The following MITF variants were observed in gnomAD, a reference collection of about 807,000 sequenced individuals.
The protein encoded by MITF is melanocyte inducing transcription factor, also known as microphthalmia-associated transcription factor.
In MITF, 17 loss-of-function variants were observed where a neutral mutation model predicts 60.5. The ratio of observed to expected loss-of-function variants is 0.28; its 90% CI spans 0.19 to 0.42. The LOEUF is 0.42. Ranked by LOEUF, MITF falls within the 10% of genes least tolerant of loss-of-function variation. MITF has a pLI of 1.00. For synonymous variants in MITF, 260 were observed against 248.5 expected (o/e 1.05, Z -0.43); for missense variants, 622 against 683.5 (o/e 0.91, Z 1.00).
chr3:69,753,522 A>G (rs1473811924), intron 1 of MITF, among the ~76,000 whole-genome samples: 10 of 152,186 alleles, frequency 6.6e-5, no homozygotes, highest in Admixed American at 6.5e-4. Context: ...TCTACTGGCA[A>G]CTTGCACTCT....
intron 1 of MITF, among the ~76,000 whole-genome samples, chr3:69,810,450 A>G (rs1417733649): frequency 2.0e-5 from 3 of 152,206 alleles, no homozygotes; most frequent in Admixed American, 6.5e-5. Flanking sequence ...TGGGCAGTCC[A>G]GGGATTTATT....
At chr3:69,780,882 G>A (rs1490731277) in intron 1 of MITF, among the ~76,000 whole-genome samples, 1 of 152,178 alleles carries the variant, frequency 6.6e-6, no homozygotes, top group African/African-American at 2.4e-5. Flanking sequence ...TGTGGGAAGG[G>A]ACTGCACAAA....
chr3:69,918,592 A>G (rs940276832), intron 2 of MITF, among the ~76,000 whole-genome samples: 1 of 152,214 alleles, frequency 6.6e-6, no homozygotes, highest in Non-Finnish European at 1.5e-5. Context: ...AGTCCAGCAC[A>G]TCAGGGTTCA....
At chr3:69,872,692 C>T (rs1258142891) in intron 1 of MITF, among the ~76,000 whole-genome samples, 4 of 151,962 alleles carry the variant, frequency 2.6e-5, no homozygotes, top group Non-Finnish European at 5.9e-5. Context: ...ATTAGTCTTT[C>T]CTGGTACCTG....
chr3:69,763,945 A>C (rs1436775570), intron 1 of MITF: 1 of 1,354,300 alleles, frequency 7.4e-7, no homozygotes, highest in African/African-American at 1.5e-5. Context: ...TCAAGAAGGT[A>C]ATACAGATGA....
At chr3:69,751,858 T>C (rs1307665629) in intron 1 of MITF, among the ~76,000 whole-genome samples, 1 of 152,172 alleles carries the variant, frequency 6.6e-6, no homozygotes, top group Non-Finnish European at 1.5e-5. Flanking sequence ...GATTGGGTCA[T>C]GGAGGCAGTT....
At chr3:69,838,124 GAT>G (rs2063568088) in intron 1 of MITF, among the ~76,000 whole-genome samples, 1 of 152,154 alleles carries the variant, frequency 6.6e-6, no homozygotes, top group South Asian at 2.1e-4. Flanking sequence ...AATGAAAGAA[GAT>G]AGAGTAGAAT....
At chr3:69,849,855 C>G (rs1022541649) in intron 1 of MITF, among the ~76,000 whole-genome samples, 1 of 152,206 alleles carries the variant, frequency 6.6e-6, no homozygotes, top group Non-Finnish European at 1.5e-5. Flanking sequence ...TTATATACCT[C>G]TCAATCTTCA....
intron 1 of MITF, among the ~76,000 whole-genome samples, chr3:69,773,913 G>A (rs113369908): frequency 1.2e-3 from 176 of 152,296 alleles, no homozygotes; most frequent in African/African-American, 4.1e-3. Context: ...GGGATACAGT[G>A]ATAAATAAGA....
intron 2 of MITF, among the ~76,000 whole-genome samples, chr3:69,916,301 T>G (rs940086518): frequency 1.3e-5 from 2 of 152,206 alleles, no homozygotes; most frequent in African/African-American, 4.8e-5. Context: ...AGATTACTGA[T>G]AAATTTTCAT....
chr3:69,793,083 G>A (rs1364844213), intron 1 of MITF, among the ~76,000 whole-genome samples: 4 of 121,540 alleles, frequency 3.3e-5, no homozygotes, highest in Admixed American at 1.2e-4. Context: ...TGCAATCACC[G>A]TTCCTGGGCA....
Position 69,920,100 on chromosome 3 carries a change from A to G in MITF, c.355-17722A>G, listed in dbSNP as rs577603098. Among the ~76,000 whole-genome samples, 27 of 152,234 alleles carry G rather than the reference A, an allele frequency of 1.8e-4. No homozygotes were observed. The South Asian group carries it at 5.4e-3, about 30-fold the overall frequency. On this transcript the variant is annotated intron_variant, in intron 2 of 9. Transcript: ENST00000352241. ...ACCTAGGAAAAACCAGGCCATACAG[A>G]GATAGGAGCTGAGGGGACTTAGTGA...
intron 1 of MITF, among the ~76,000 whole-genome samples, chr3:69,814,331 A>G (rs2063147313): frequency 6.6e-6 from 1 of 151,870 alleles, no homozygotes; most frequent in African/African-American, 2.4e-5. Flanking sequence ...GTCTTCTCCC[A>G]TTCTATATAT....
intron 1 of MITF, among the ~76,000 whole-genome samples, chr3:69,862,838 T>C (rs1370896985): frequency 1.3e-5 from 2 of 152,228 alleles, no homozygotes; most frequent in Non-Finnish European, 2.9e-5. Context: ...GTAGTACTTA[T>C]TATTGCAGAA....
chr3:69,919,210 G>T (rs1033762811), intron 2 of MITF, among the ~76,000 whole-genome samples: 2 of 152,160 alleles, frequency 1.3e-5, no homozygotes, highest in African/African-American at 4.8e-5. Context: ...TCAGTTTGGC[G>T]ATTGAAACCA....
intron 1 of MITF, among the ~76,000 whole-genome samples, chr3:69,770,984 T>G (rs2106837761): frequency 6.6e-6 from 1 of 152,344 alleles, no homozygotes; most frequent in African/African-American, 2.4e-5. Context: ...CACGTGTTAC[T>G]TAGACATGAC....
chr3:69,958,248 T>C (rs1174122349), intron 8 of MITF, among the ~76,000 whole-genome samples: 1 of 152,352 alleles, frequency 6.6e-6, no homozygotes, highest in Admixed American at 6.5e-5. Context: ...ACTACATTTC[T>C]CTCTGGCTGC....
chr3:69,825,921 A>G (rs747331498), intron 1 of MITF, among the ~76,000 whole-genome samples: 21 of 152,196 alleles, frequency 1.4e-4, no homozygotes, highest in Non-Finnish European at 2.9e-4. Context: ...ATATTTATAT[A>G]TTAAGATTTA....
Position 69,854,782 on chromosome 3 carries a change from G to T in MITF, c.105-24352G>T, listed in dbSNP as rs374802105. 5.9e-5 allele frequency among the ~76,000 whole-genome samples: 9 copies of T among 152,300 alleles called. No homozygotes were observed. The South Asian group carries it at 1.9e-3, about 32-fold the overall frequency. On this transcript the variant is annotated intron_variant, in intron 1 of 9. Coordinates refer to ENST00000352241, the MANE Select transcript of MITF (RefSeq NM_001354604.2). The stretch of plus-strand genomic sequence containing the variant: ...GGCCTCTACTCACTAGATGCCAGTA[G>T]CACTTGTTTCTCTGTTTGCAAAAAC...
Sources: allele counts gnomAD v4.1 joint callset (sites outside exome capture counted in the v4.1 genomes callset), GRCh38; gene constraint gnomAD v4.1.1; transcripts MANE v1.5; gene names NCBI Gene and HGNC (gene_info 2026-07-23, HGNC 2026-07-21).